SRSF7: variants seen among roughly 807,000 people sequenced by gnomAD.
SRSF7 encodes serine and arginine rich splicing factor 7.
Under a neutral mutation model 42.2 loss-of-function variants are expected in SRSF7, and 15 were observed. The ratio of observed to expected loss-of-function variants is 0.36; its 90% CI spans 0.24 to 0.55. The LOEUF is 0.55. Among genes scored for constraint, SRSF7 ranks in the 20% least tolerant of loss-of-function variants. The pLI is 0.88. For synonymous variants in SRSF7, 138 were observed against 107.9 expected (o/e 1.28, Z -1.73); for missense variants, 181 against 305.9 (o/e 0.59, Z 3.04).
In SRSF7 at chr2:38,748,058, C is replaced by T; in HGVS notation, c.561G>A (p.Ser187=). The T allele has an allele frequency of 2.5e-6, 4 of 1,612,640 alleles. No homozygotes were observed. Among genetic ancestry groups the T allele is most frequent in the East Asian group, 2.2e-5 (1 of 44,852 alleles). Residue 187 remains serine (S), a synonymous_variant, in exon 5 of 8, where the codon TCG becomes TCA. Transcript: ENST00000313117. ...RRSRSGSIKG[S]RYFQSPSRSR... is the part of the protein sequence containing the mutation. ...AAAGTGTTACATACTGGAAATACCTCGATCCTTTTATAGAACCAGACCTAG... is the reference window on the plus strand; with the variant it reads ...AAAGTGTTACATACTGGAAATACCTTGATCCTTTTATAGAACCAGACCTAG...
intron 7 of SRSF7, 143 bp downstream of exon 7, chr2:38,745,999 AAG>A: frequency 1.4e-6 from 1 of 737,226 alleles, no homozygotes; most frequent in Non-Finnish European, 2.2e-6. Context: ...CAAAAAAAAA[AAG>A]TATTTCAGAA....
Position 38,748,667 on chromosome 2 carries a change from T to A in SRSF7, c.387-14A>T. On this transcript the variant is annotated splice_polypyrimidine_tract_variant and intron_variant, in intron 3 of 7. Transcript: ENST00000313117. ...CTAGACCGTGACCTATTTTTCAAGT[T>A]AGAGAAAAAACAAAATGTCAGACAA... 2 of 1,613,276 alleles carry A rather than the reference T, an allele frequency of 1.2e-6. No individual in the cohort carries two copies. Among genetic ancestry groups the A allele is most frequent in the South Asian group, 2.2e-5 (2 of 91,030 alleles).
At chr2:38,748,802 T>A in intron 3 of SRSF7, 149 bp from the exon 4 acceptor site, 1 of 1,119,584 alleles carries the variant, frequency 8.9e-7, no homozygotes, top group Non-Finnish European at 1.2e-6. Context: ...TGTTGAGTAT[T>A]TTTTTTTTTA....
chr2:38,746,568 T>C, intron 6 of SRSF7, 126 bp downstream of exon 6: 1 of 1,367,038 alleles, frequency 7.3e-7, no homozygotes, highest in Middle Eastern at 1.9e-4. Context: ...ACAAATAAGG[T>C]ACTGTGTTCC....
chr2:38,749,973 G>A (rs748826275), intron 2 of SRSF7, 41 bp downstream of exon 2: 26 of 1,562,852 alleles, frequency 1.7e-5, no homozygotes, highest in East Asian at 2.3e-5. Context: ...TCTAGCCACA[G>A]TATATTTTAA....
At chr2:38,751,426 T>G, upstream of SRSF7, 1 of 854,692 alleles carries the variant, frequency 1.2e-6, no homozygotes. Flanking sequence ...GTCATCTCGT[T>G]GTTCTGCGCG....
rs1572557910 is a variant in SRSF7, at chr2:38,745,304, G to A, written c.663-117C>T. On this transcript the variant is annotated intron_variant, in intron 7 of 7. Coordinates refer to ENST00000313117, the MANE Select transcript of SRSF7 (RefSeq NM_001031684.3). Reference sequence around the variant, plus strand: ...TAAGGTACTAATTTCCTATAGCAAAGACCTAAAAATGACATGAAACTTACA... The same window carrying A: ...TAAGGTACTAATTTCCTATAGCAAAAACCTAAAAATGACATGAAACTTACA... 4 of 1,020,808 alleles carry A rather than the reference G, an allele frequency of 3.9e-6. No homozygotes were observed. In the East Asian group the frequency reaches 9.7e-5, roughly 25 times the overall value. 63.2% of individuals were successfully genotyped at this position (1,020,808 alleles called of 1,614,324 possible).
chr2:38,748,081 T>C lies in SRSF7; in HGVS notation c.538A>G (p.Arg180Gly). 3 of 1,613,934 alleles carry C rather than the reference T, an allele frequency of 1.9e-6. No homozygotes were observed. The highest frequency in any genetic ancestry group is 2.5e-6 in the Non-Finnish European group (3 of 1,179,916). The change falls in exon 5 of 8, where the codon AGG becomes GGG. Residue 180 changes from arginine (R) to glycine (G), a missense_variant. Physicochemically the swap from Arg to Gly is moderately radical, Grantham distance 125. Coordinates refer to ENST00000313117, the MANE Select transcript of SRSF7 (RefSeq NM_001031684.3). ...CTCGATCCTTTTATAGAACCAGACC[T>C]AGATCTTCTGAGTGAAGCTGATCTT... is the stretch of plus-strand genomic sequence containing the variant. Reference protein sequence around the residue: ...RSRSASLRRSRSGSIKGSRYF... With the variant: ...RSRSASLRRSGSGSIKGSRYF...
At chr2:38,750,294 A>T in intron 1 of SRSF7, 100 bp from the exon 2 acceptor site, 1 of 1,121,890 alleles carries the variant, frequency 8.9e-7, no homozygotes, top group South Asian at 1.5e-5. Context: ...AAGATTGGGT[A>T]AAGCACATTT....
chr2:38,743,778 C>G lies in SRSF7; in HGVS notation c.*1355G>C. On this transcript the variant is annotated 3_prime_UTR_variant, in exon 8 of 8. Coordinates refer to ENST00000313117, the MANE Select transcript of SRSF7 (RefSeq NM_001031684.3). Reference sequence around the variant, plus strand: ...AACAATCCAAATAACTTCCAACATACTAGCGGTCAAACTACCGAATAAACT... The same window carrying G: ...AACAATCCAAATAACTTCCAACATAGTAGCGGTCAAACTACCGAATAAACT... 6.5e-6 allele frequency: 1 copy of G among 152,750 alleles called. No homozygotes were observed. The highest frequency in any genetic ancestry group is 6.5e-5 in the Admixed American group (1 of 15,294). The allele number at this position is 152,750 out of a possible 1,614,324, so 9.5% of individuals were successfully genotyped here.
chr2:38,750,931 G>GA (rs971510996), intron 1 of SRSF7: 8 of 383,206 alleles, frequency 2.1e-5, no homozygotes, highest in African/African-American at 1.2e-4. Flanking sequence ...GGCGGGGGGG[G>GA]AGGGGGGCCG....
intron 6 of SRSF7, 132 bp from the exon 7 acceptor site, chr2:38,746,311 T>C (rs1198308827): frequency 9.7e-7 from 1 of 1,030,216 alleles, no homozygotes; most frequent in Non-Finnish European, 1.5e-6. Context: ...AAAAACATCC[T>C]ACCAGTTGTT....
At chr2:38,746,364 G>T (rs942743875) in intron 6 of SRSF7, among the ~76,000 whole-genome samples, 185 bp from the exon 7 acceptor site, 4 of 152,170 alleles carry the variant, frequency 2.6e-5, no homozygotes, top group African/African-American at 9.7e-5. Flanking sequence ...TTCAAAAAAT[G>T]ACTCAATTAC....
chr2:38,751,332 T>G lies in SRSF7; in HGVS notation c.-76A>C. 5.0e-6 allele frequency: 8 copies of G among 1,598,428 alleles called. No individual in the cohort carries two copies. In the East Asian group the frequency reaches 9.0e-5, roughly 18 times the overall value. ...AGTGACGCAAAAGCTGACACACACC[T>G]TCACCCGCCAAGAGTCCCGGCGGCA... On this transcript the variant is annotated 5_prime_UTR_variant, in exon 1 of 8. Transcript: ENST00000313117.
At chr2:38,749,819 C>A (rs1458241787) in intron 2 of SRSF7, 114 bp from the exon 3 acceptor site, 3 of 1,322,520 alleles carry the variant, frequency 2.3e-6, no homozygotes, top group Non-Finnish European at 3.0e-6. Flanking sequence ...TCCCCCCCAA[C>A]AAACTTTGGC....
In SRSF7 at chr2:38,745,141, T is replaced by A; in HGVS notation, c.709A>T (p.Met237Leu). 1 of 1,614,200 alleles carries A rather than the reference T, an allele frequency of 6.2e-7. No homozygotes were observed. Reference protein sequence around the residue: ...SPRRSASPERMD With the variant: ...SPRRSASPERLD ...GGGTGAACTTGAGAGCTTCAGTCCA[T>A]TCTTTCAGGACTTGCACTTCTGCGA... Residue 237 changes from methionine to leucine, a missense_variant, in exon 8 of 8, where the codon ATG (methionine) becomes TTG (leucine). This residue lies in a region of SRSF7 where 136 missense variants were observed against 147.8 expected (regional missense o/e 0.92). Transcript: ENST00000313117.
At chr2:38,747,152 C>CA in intron 5 of SRSF7, 1 of 470,846 alleles carries the variant, frequency 2.1e-6, no homozygotes, top group Non-Finnish European at 4.4e-6. Context: ...TGAAAATAAC[C>CA]AGACCCCTGA....
intron 1 of SRSF7, chr2:38,750,870 A>T (rs1470150698): frequency 3.0e-5 from 9 of 304,052 alleles, no homozygotes; most frequent in Non-Finnish European, 4.5e-5. Context: ...AGCGCTGAGG[A>T]AATGCGCCAC....
Position 38,750,007 on chromosome 2 carries a change from T to A in SRSF7, c.209+7A>T, listed in dbSNP as rs200730547. ...AATGAACAGAAGATTCATAACATCT[T>A]ACTTACTTTCCATCCAGTCCTCGTA... is the stretch of plus-strand genomic sequence containing the variant. On this transcript the variant is annotated splice_region_variant and intron_variant, in intron 2 of 7. Coordinates refer to ENST00000313117, the MANE Select transcript of SRSF7 (RefSeq NM_001031684.3). The A allele has an allele frequency of 6.2e-7, 1 of 1,601,318 alleles. No individual in the cohort carries two copies. Among genetic ancestry groups the A allele is most frequent in the Non-Finnish European group, 8.5e-7 (1 of 1,175,120 alleles).
Sources: gnomAD v4.1 joint callset for allele counts (sites outside exome capture counted in the v4.1 genomes callset) on GRCh38, gnomAD v4.1.1 for gene constraint, gnomAD v4.1.1 regional missense constraint, MANE v1.5 for transcripts, NCBI Gene and HGNC (gene_info 2026-07-23, HGNC 2026-07-21) for gene names.